The following ZBTB49 variants were observed in gnomAD, a reference collection of about 807,000 sequenced individuals.
The protein encoded by ZBTB49 is zinc finger and BTB domain containing 49, also known as zinc finger and BTB domain-containing protein 49.
ZBTB49 carries 43 observed loss-of-function variants against 57.5 expected under a neutral mutation model. The observed-to-expected ratio is 0.75, with a 90% CI of 0.59 to 0.97. The LOEUF (loss-of-function observed/expected upper bound fraction) is 0.97, where lower values mean the gene tolerates loss of function less well. ZBTB49 is among the 50% of genes least tolerant of loss of function. ZBTB49 has a pLI of 0.00. For missense variants in ZBTB49, 938 were observed against 947.7 expected, an observed-to-expected ratio of 0.99 and a Z score of 0.13; for synonymous variants, 369 against 362.1, an observed-to-expected ratio of 1.02 and a Z score of -0.22.
At chr4:4,309,018 A>G (rs1577242217) in intron 4 of ZBTB49, among the ~76,000 whole-genome samples, 3 of 152,210 alleles carry the variant, frequency 2.0e-5, no homozygotes, top group African/African-American at 7.2e-5. Context: ...AAGAATGCCC[A>G]CCGGCCCATC....
At chr4:4,309,208 A>G (rs1187130344) in intron 4 of ZBTB49, among the ~76,000 whole-genome samples, 1 of 152,228 alleles carries the variant, frequency 6.6e-6, no homozygotes. Context: ...AGCCTGCATT[A>G]TGAGGATGGC....
intron 1 of ZBTB49, among the ~76,000 whole-genome samples, chr4:4,295,300 C>T (rs566878388): frequency 9.9e-5 from 15 of 152,080 alleles, no homozygotes; most frequent in African/African-American, 3.6e-4. Context: ...GAGAGAGAAC[C>T]GGGTGGGGGG....
At chr4:4,304,241 T>C (rs916035993) in intron 3 of ZBTB49, among the ~76,000 whole-genome samples, 6 of 151,974 alleles carry the variant, frequency 3.9e-5, no homozygotes, top group Non-Finnish European at 2.9e-5. Context: ...TTTTTTTTTT[T>C]TTGAGACAGA....
At chr4:4,313,316 GAAAGAA>G (rs1721055855) in intron 5 of ZBTB49, among the ~76,000 whole-genome samples, 1 of 152,320 alleles carries the variant, frequency 6.6e-6, no homozygotes, top group East Asian at 1.9e-4. Context: ...TTAATTCAAA[GAAAGAA>G]AAGCTGGGAC....
At chr4:4,317,597 C>T (rs1262539804) in intron 7 of ZBTB49, among the ~76,000 whole-genome samples, 2 of 152,052 alleles carry the variant, frequency 1.3e-5, no homozygotes, top group Admixed American at 6.6e-5. Flanking sequence ...ATTTTGTAGT[C>T]GACTTCTTGC....
chr4:4,318,086 CCTA>C (rs1258107678), intron 7 of ZBTB49, among the ~76,000 whole-genome samples: 1 of 152,160 alleles, frequency 6.6e-6, no homozygotes, highest in Non-Finnish European at 1.5e-5. Flanking sequence ...CCCTACTAGA[CCTA>C]CTGTGCAGGA....
chr4:4,290,691 G>T (rs551885064), intron 1 of ZBTB49, among the ~76,000 whole-genome samples: 1 of 152,344 alleles, frequency 6.6e-6, no homozygotes, highest in Admixed American at 6.5e-5. Context: ...AGCCAGCCCG[G>T]CCCGCCTCCG....
At chr4:4,299,079 C>G (rs1417751572) in intron 1 of ZBTB49, among the ~76,000 whole-genome samples, 1 of 152,334 alleles carries the variant, frequency 6.6e-6, no homozygotes, top group African/African-American at 2.4e-5. Flanking sequence ...CATTTGGAAT[C>G]AGAGTCAGGG....
At chr4:4,312,258 G>A (rs1238378315) in intron 4 of ZBTB49, among the ~76,000 whole-genome samples, 1 of 152,094 alleles carries the variant, frequency 6.6e-6, no homozygotes, top group Non-Finnish European at 1.5e-5. Context: ...TACAGCAATG[G>A]AAGATTTTCC....
rs574233245 is a variant in ZBTB49, at chr4:4,320,890, G to A, written c.1872G>A (p.Thr624=). The change falls in exon 8 of 8, where the codon ACG becomes ACA. Residue 624 remains threonine, a synonymous_variant. Transcript: ENST00000337872. ...CTTTCTCCCAAGACACGTCTGTGAC[G>A]CTGATGCCAGTGTCGGTTAAACTCC... ...SDSFSQDTSV[T]LMPVSVKLPV... The A allele has an allele frequency of 6.8e-6, 11 of 1,614,168 alleles. No homozygotes were observed. In the South Asian group the frequency reaches 7.7e-5, roughly 11 times the overall value.
chr4:4,315,627 A>G lies in ZBTB49; in HGVS notation c.1377-9A>G, dbSNP rs976318371. 2.5e-6 allele frequency: 4 copies of G among 1,613,630 alleles called. No homozygotes were observed. Among genetic ancestry groups the G allele is most frequent in the Admixed American group, 1.7e-5 (1 of 59,952 alleles). On this transcript the variant is annotated splice_polypyrimidine_tract_variant and intron_variant, in intron 5 of 7. Coordinates refer to ENST00000337872, the MANE Select transcript of ZBTB49 (RefSeq NM_145291.4). ...AGGCTCTTAATTGAATTTTCAAATT[A>G]CATTCTAGGTTTGCAGCCTCTGGCG... is the stretch of plus-strand genomic sequence containing the variant.
intron 7 of ZBTB49, among the ~76,000 whole-genome samples, chr4:4,317,902 G>A (rs751154400): frequency 6.6e-6 from 1 of 152,120 alleles, no homozygotes; most frequent in African/African-American, 2.4e-5. Flanking sequence ...TGGCTCTCTG[G>A]TTTTAGTGGC....
At chr4:4,299,843 A>G in intron 1 of ZBTB49, 84 bp from the exon 2 acceptor site, 3 of 1,254,358 alleles carry the variant, frequency 2.4e-6, no homozygotes, top group South Asian at 1.3e-5. Flanking sequence ...AGTGAAGCAC[A>G]GATCAATCAG....
chr4:4,307,946 A>AT (rs1473548891), intron 4 of ZBTB49, among the ~76,000 whole-genome samples: 1 of 152,138 alleles, frequency 6.6e-6, no homozygotes, highest in Non-Finnish European at 1.5e-5. Context: ...AGCTGACCAT[A>AT]TAAGTTAAAA....
intron 5 of ZBTB49, 65 bp from the exon 6 acceptor site, chr4:4,315,571 T>TG: frequency 1.3e-6 from 2 of 1,500,948 alleles, no homozygotes; most frequent in Non-Finnish European, 1.8e-6. Flanking sequence ...CTCAGAGAGT[T>TG]GCAGTTATAA....
chr4:4,292,471 T>C (rs12648372), intron 1 of ZBTB49, among the ~76,000 whole-genome samples: 10,455 of 152,110 alleles, frequency 0.069, 923 homozygotes, highest in East Asian at 0.32. Flanking sequence ...CTGTGAAGAG[T>C]AGGGAACACA....
At chr4:4,307,156 C>G (rs577318529) in intron 4 of ZBTB49, among the ~76,000 whole-genome samples, 3 of 152,240 alleles carry the variant, frequency 2.0e-5, no homozygotes, top group Admixed American at 6.5e-5. Flanking sequence ...TCACCAAGTC[C>G]TCGCCGTCTC....
At position 4,303,760 on chromosome 4, in the gene ZBTB49, C is replaced by CTCTCTCTGTGTGTGTGTG. The variant is rs1223289249; in HGVS notation, c.1255+670_1255+671insCTCTCTGTGTGTGTGTGT. Among the ~76,000 whole-genome samples, 681 of 121,372 alleles carry CTCTCTCTGTGTGTGTGTG rather than the reference C, an allele frequency of 5.6e-3. 12 individuals are homozygous for CTCTCTCTGTGTGTGTGTG. The highest frequency in any genetic ancestry group is 0.02 in the African/African-American group (591 of 30,084). 79.6% of individuals were successfully genotyped at this position (121,372 alleles called of 152,430 possible). On this transcript the variant is annotated intron_variant, in intron 3 of 7. Transcript: ENST00000337872. ...TCTCTCTCTCTCTCTCTCTCTCTCT[C>CTCTCTCTGTGTGTGTGTG]TGTGTGTGTGTCTCTCTCTCTCTCT...
chr4:4,294,883 G>C (rs1472218956), intron 1 of ZBTB49, among the ~76,000 whole-genome samples: 1 of 147,636 alleles, frequency 6.8e-6, no homozygotes, highest in African/African-American at 2.6e-5. Context: ...GTGTGTGTGT[G>C]TGTGTGTGTG....
Sources: gnomAD v4.1 joint callset for allele counts (sites outside exome capture counted in the v4.1 genomes callset) on GRCh38, gnomAD v4.1.1 for gene constraint, MANE v1.5 for transcripts, NCBI Gene and HGNC (gene_info 2026-07-23, HGNC 2026-07-21) for gene names.